TFDP2: variants seen among roughly 807,000 people sequenced by gnomAD.
TFDP2 encodes the protein transcription factor Dp-2, also known as transcription factor Dp-2 (E2F dimerization partner 2).
In TFDP2, 17 loss-of-function variants were observed where a neutral mutation model predicts 59.3. The observed-to-expected ratio is 0.29, with a 90% CI of 0.20 to 0.43. The LOEUF (loss-of-function observed/expected upper bound fraction) is 0.43, where lower values mean the gene tolerates loss of function less well. TFDP2 is among the 20% of genes least tolerant of loss of function. The probability of loss-of-function intolerance (pLI) is 1.00; values close to 1 mark genes in which losing one functional copy is unlikely to be tolerated. For missense variants in TFDP2, 391 were observed against 528.8 expected, an observed-to-expected ratio of 0.74 and a Z score of 2.56; for synonymous variants, 180 against 194.7, an observed-to-expected ratio of 0.92 and a Z score of 0.63.
intron 1 of TFDP2, among the ~76,000 whole-genome samples, chr3:142,108,420 G>A (rs2061549448): frequency 6.6e-6 from 1 of 152,022 alleles, no homozygotes; most frequent in Non-Finnish European, 1.5e-5. Flanking sequence ...ATGTTGGCCA[G>A]GCTGGTTTCA....
At chr3:142,102,823 G>C (rs62284562) in intron 1 of TFDP2, among the ~76,000 whole-genome samples, 9,047 of 152,298 alleles carry the variant, frequency 0.059, 397 homozygotes, top group East Asian at 0.22. Context: ...ATTTAATCAT[G>C]AGGAAATATC....
At chr3:142,069,425 T>C (rs1576896898) in intron 3 of TFDP2, among the ~76,000 whole-genome samples, 1 of 152,204 alleles carries the variant, frequency 6.6e-6, no homozygotes, top group Non-Finnish European at 1.5e-5. Context: ...TTTGTGAGCT[T>C]AGCAATAAAA....
At chr3:141,981,244 T>C (rs1022135752) in intron 6 of TFDP2, among the ~76,000 whole-genome samples, 3 of 152,216 alleles carry the variant, frequency 2.0e-5, no homozygotes, top group Admixed American at 1.3e-4. Context: ...TTCAAACCAG[T>C]AACATGCTGT....
At chr3:141,986,802 A>G (rs550182223) in intron 6 of TFDP2, among the ~76,000 whole-genome samples, 1 of 152,232 alleles carries the variant, frequency 6.6e-6, no homozygotes, top group East Asian at 1.9e-4. Flanking sequence ...ATCCTTGCCA[A>G]ACTTAGCACT....
intron 3 of TFDP2, among the ~76,000 whole-genome samples, chr3:142,083,287 G>C (rs1236764081): frequency 1.3e-5 from 2 of 151,748 alleles, no homozygotes; most frequent in Non-Finnish European, 2.9e-5. Context: ...TAAATACCTA[G>C]GAATTAGTCA....
intron 1 of TFDP2, among the ~76,000 whole-genome samples, chr3:142,146,893 C>T (rs2063198694): frequency 6.6e-6 from 1 of 152,030 alleles, no homozygotes; most frequent in African/African-American, 2.4e-5. Context: ...ACAGTGAGGA[C>T]ACAATTTCTA....
chr3:142,139,339 T>C lies in TFDP2; in HGVS notation c.-93+9844A>G, dbSNP rs141016607. Reference sequence around the variant, plus strand: ...TATCCAATTTGCCAGTCTGTGTCTTTTAATTGGGGGCATTTAGCCCATTTA... The same window carrying C: ...TATCCAATTTGCCAGTCTGTGTCTTCTAATTGGGGGCATTTAGCCCATTTA... On this transcript the variant is annotated intron_variant, in intron 1 of 12. Coordinates refer to ENST00000489671, the MANE Select transcript of TFDP2 (RefSeq NM_001178139.2). Among the ~76,000 whole-genome samples the C allele has an allele frequency of 1.1e-3, 162 of 152,338 alleles. 1 individual carries two copies. Among genetic ancestry groups the C allele is most frequent in the African/African-American group, 3.8e-3 (157 of 41,578 alleles).
intron 3 of TFDP2, among the ~76,000 whole-genome samples, chr3:142,089,657 T>C (rs2060935136): frequency 6.6e-6 from 1 of 152,044 alleles, no homozygotes; most frequent in Non-Finnish European, 1.5e-5. Context: ...ATATGCATCA[T>C]ATATAACCAA....
chr3:141,997,034 A>G (rs1333311328), intron 4 of TFDP2, among the ~76,000 whole-genome samples: 1 of 152,122 alleles, frequency 6.6e-6, no homozygotes, highest in Admixed American at 6.5e-5. Flanking sequence ...CTTGCATTCC[A>G]AGTATGCTTG....
chr3:142,107,796 T>C (rs963939982), intron 1 of TFDP2, among the ~76,000 whole-genome samples: 2 of 152,310 alleles, frequency 1.3e-5, no homozygotes, highest in South Asian at 2.1e-4. Context: ...TTAACTACTA[T>C]AATACTTTAC....
At chr3:141,973,582 T>TATTC (rs1940169692) in intron 8 of TFDP2, among the ~76,000 whole-genome samples, 1 of 152,120 alleles carries the variant, frequency 6.6e-6, no homozygotes. Context: ...AATGAAACAC[T>TATTC]ATTCATTCTG....
intron 6 of TFDP2, among the ~76,000 whole-genome samples, chr3:141,987,468 A>G (rs1464147935): frequency 2.0e-5 from 3 of 151,340 alleles, no homozygotes; most frequent in African/African-American, 7.3e-5. Flanking sequence ...TTTTTAGTAG[A>G]GACTGGGTTT....
In TFDP2 at chr3:142,133,970, G is replaced by GT. The variant is rs1317713396; in HGVS notation, c.-93+15212dup. 2.6e-5 allele frequency among the ~76,000 whole-genome samples: 4 copies of GT among 151,878 alleles called. No individual in the cohort carries two copies. The East Asian group carries it at 7.7e-4, about 29-fold the overall frequency. On this transcript the variant is annotated intron_variant, in intron 1 of 12. Coordinates refer to ENST00000489671, the MANE Select transcript of TFDP2 (RefSeq NM_001178139.2). ...AATCACTTGAACCCTGGAGGTGGAG[G>GT]TGGCAGTGAGCCGAGATCGCGCCAC...
At chr3:142,141,950 A>G (rs1366339958) in intron 1 of TFDP2, among the ~76,000 whole-genome samples, 2 of 152,252 alleles carry the variant, frequency 1.3e-5, no homozygotes, top group Non-Finnish European at 2.9e-5. Context: ...ACACACCCCA[A>G]CATAATAAAA....
chr3:142,054,184 C>G (rs990489866), intron 3 of TFDP2: 2 of 152,250 alleles, frequency 1.3e-5, no homozygotes, highest in East Asian at 3.9e-4. Flanking sequence ...AACACATAAG[C>G]TTGTATTTGA....
intron 3 of TFDP2, among the ~76,000 whole-genome samples, chr3:142,063,626 G>A (rs1309533401): frequency 2.0e-5 from 3 of 152,132 alleles, no homozygotes; most frequent in African/African-American, 7.2e-5. Context: ...CATTAAAATT[G>A]GTAAAGGGTA....
intron 7 of TFDP2, among the ~76,000 whole-genome samples, chr3:141,978,241 A>C (rs1489606209): frequency 2.0e-5 from 3 of 151,430 alleles, no homozygotes; most frequent in Admixed American, 2.0e-4. Context: ...GCTACGCGGG[A>C]GGCTGAGTCA....
chr3:142,042,631 T>TTTTC (rs1491116480), intron 3 of TFDP2, among the ~76,000 whole-genome samples: 3 of 6,200 alleles, frequency 4.8e-4, no homozygotes, highest in East Asian at 3.8e-3. Flanking sequence ...TTTTCTTTTC[T>TTTTC]TTTTTTTTTT....
At chr3:142,122,120 T>G (rs977299861) in intron 1 of TFDP2, among the ~76,000 whole-genome samples, 16 of 152,100 alleles carry the variant, frequency 1.1e-4, no homozygotes, top group Admixed American at 2.0e-4. Flanking sequence ...CTGATTTAAA[T>G]GAAATAAATA....
Sources: gnomAD v4.1 joint callset for allele counts (sites outside exome capture counted in the v4.1 genomes callset) on GRCh38, gnomAD v4.1.1 for gene constraint, MANE v1.5 for transcripts, NCBI Gene and HGNC (gene_info 2026-07-23, HGNC 2026-07-21) for gene names.